The following KICS2 variants were observed in gnomAD, a reference collection of about 807,000 sequenced individuals.
The protein encoded by KICS2 is KICSTOR subunit 2.
KICS2 carries 13 observed loss-of-function variants against 31.4 expected under a neutral mutation model. That is an observed-to-expected ratio of 0.41 (90% CI 0.27 to 0.66). The LOEUF is 0.66. Among genes scored for constraint, KICS2 ranks in the 30% least tolerant of loss-of-function variants. The pLI is 0.28. For missense variants in KICS2, 455 were observed against 545.4 expected (o/e 0.83, Z 1.65); for synonymous variants, 209 against 214.8 (o/e 0.97, Z 0.24).
chr12:64,215,143 T>TA (rs35637675), intron 2 of KICS2, among the ~76,000 whole-genome samples: 38 of 145,686 alleles, frequency 2.6e-4, no homozygotes, highest in African/African-American at 5.3e-4. Context: ...CCGTCTCTAC[T>TA]AAAAAAAAAA....
chr12:64,193,628 T>C lies in KICS2; in HGVS notation c.*214A>G. 3 of 1,384,842 alleles carry C rather than the reference T, an allele frequency of 2.2e-6. No homozygotes were observed. Among genetic ancestry groups the C allele is most frequent in the Non-Finnish European group, 2.8e-6 (3 of 1,073,498 alleles). The allele number at this position is 1,384,842 out of a possible 1,614,324, so 85.8% of individuals were successfully genotyped here. A position where few individuals can be genotyped will look rare whatever the true frequency, so the allele number is the denominator to read the frequency against. Reference sequence around the variant, plus strand: ...TACTTTGCTGTACCATGGAGACACATGGTAGCCCATGACCACTTCCTAGAT... The same window carrying C: ...TACTTTGCTGTACCATGGAGACACACGGTAGCCCATGACCACTTCCTAGAT... On this transcript the variant is annotated 3_prime_UTR_variant, in exon 3 of 3. Transcript: ENST00000398055.
In KICS2 at chr12:64,216,146, T is replaced by A. The variant is rs1657053; in HGVS notation, c.236-183A>T. On this transcript the variant is annotated intron_variant, in intron 1 of 2. Transcript: ENST00000398055. The stretch of plus-strand genomic sequence containing the variant: ...ATGATAATCATAAATACTTTATGAT[T>A]ATCATAAATACTTTATGATAATCAT... Among the ~76,000 whole-genome samples, 799 of 145,070 alleles carry A rather than the reference T, an allele frequency of 5.5e-3. 7 individuals carry two copies. The highest frequency in any genetic ancestry group is 0.019 in the African/African-American group (709 of 36,430).
intron 1 of KICS2, among the ~76,000 whole-genome samples, chr12:64,217,570 G>A (rs1014790611): frequency 5.9e-5 from 9 of 151,844 alleles, no homozygotes; most frequent in Non-Finnish European, 1.3e-4. Context: ...AGGCTGAGGC[G>A]GGAGGATCAC....
downstream of KICS2, chr12:64,186,822 A>T (rs897757299): frequency 6.6e-6 from 1 of 152,202 alleles, no homozygotes; most frequent in Non-Finnish European, 1.5e-5. Flanking sequence ...GTTAACTGCT[A>T]TATCATTACC....
At chr12:64,221,039 C>T (rs1266467044) in intron 1 of KICS2, among the ~76,000 whole-genome samples, 2 of 144,242 alleles carry the variant, frequency 1.4e-5, no homozygotes, top group South Asian at 2.1e-4. Flanking sequence ...TGAGTGTTTA[C>T]TGAAAGCTCA....
chr12:64,221,835 T>A, intron 1 of KICS2, 168 bp downstream of exon 1: 1 of 770,178 alleles, frequency 1.3e-6, no homozygotes, highest in Non-Finnish European at 2.0e-6. Context: ...TGGGCGGGGC[T>A]TGTGGAAGCC....
intron 2 of KICS2, among the ~76,000 whole-genome samples, chr12:64,205,488 T>C (rs2037527793): frequency 6.6e-6 from 1 of 152,080 alleles, no homozygotes; most frequent in Non-Finnish European, 1.5e-5. Context: ...TGTTAAATGG[T>C]TGTAATCCAA....
chr12:64,191,164 T>A lies in KICS2; in HGVS notation c.*2678A>T, dbSNP rs943174539. On this transcript the variant is annotated 3_prime_UTR_variant, in exon 3 of 3. Transcript: ENST00000398055. ...TTAGAGAATAAATCTTAGAGTAAAA[T>A]GACTTTGTTTCTTGGCTTGAACCAA... 21 of 152,246 alleles carry A rather than the reference T, an allele frequency of 1.4e-4. No individual in the cohort carries two copies. The highest frequency in any genetic ancestry group is 7.9e-4 in the Admixed American group (12 of 15,286). 9.4% of individuals were successfully genotyped at this position (152,246 alleles called of 1,614,324 possible).
intron 2 of KICS2, among the ~76,000 whole-genome samples, chr12:64,211,520 G>A (rs555929525): frequency 6.6e-6 from 1 of 152,272 alleles, no homozygotes; most frequent in Admixed American, 6.5e-5. Flanking sequence ...TTGGGAGGCT[G>A]AGGCAGGAGA....
At chr12:64,210,714 C>T (rs1012390519) in intron 2 of KICS2, among the ~76,000 whole-genome samples, 22 of 152,150 alleles carry the variant, frequency 1.4e-4, no homozygotes, top group African/African-American at 5.1e-4. Flanking sequence ...GCAGTTGAAG[C>T]TGCAGTGAGC....
In KICS2 at chr12:64,192,743, C is replaced by T. The variant is rs1464252763; in HGVS notation, c.*1099G>A. On this transcript the variant is annotated 3_prime_UTR_variant, in exon 3 of 3. Transcript: ENST00000398055. ...TCCACCTACTTCCCATGAACACCTG[C>T]CGAAGGAAAGAAATAAGGCAGCATG... 1.0e-6 allele frequency: 1 copy of T among 985,378 alleles called. No individual in the cohort carries two copies. The highest frequency in any genetic ancestry group is 1.2e-6 in the Non-Finnish European group (1 of 829,940). The allele number at this position is 985,378 out of a possible 1,614,324, so 61.0% of individuals were successfully genotyped here.
chr12:64,221,422 TG>T (rs1418760831), intron 1 of KICS2: 1 of 152,526 alleles, frequency 6.6e-6, no homozygotes, highest in Non-Finnish European at 1.5e-5. Flanking sequence ...AGAGGCAAGA[TG>T]TACATGAAGT....
chr12:64,216,452 T>C (rs895204076), intron 1 of KICS2, among the ~76,000 whole-genome samples: 3 of 152,236 alleles, frequency 2.0e-5, no homozygotes, highest in African/African-American at 7.2e-5. Context: ...TGATTTTTTG[T>C]TTCTGCTTTA....
At position 64,222,150 on chromosome 12, in the gene KICS2, A is replaced by G. The variant is rs200715336; in HGVS notation, c.88T>C (p.Tyr30His). 1.2e-6 allele frequency: 2 copies of G among 1,614,014 alleles called. No individual in the cohort carries two copies. The highest frequency in any genetic ancestry group is 1.7e-6 in the Non-Finnish European group (2 of 1,179,938). Reference protein sequence around the residue: ...TFFSHLGIFSYDKAKDNVEKE... With the variant: ...TFFSHLGIFSHDKAKDNVEKE... The stretch of plus-strand genomic sequence containing the variant: ...TCCACATTGTCCTTAGCCTTGTCGT[A>G]AGAGAAGATACCCAGGTGAGAGAAG... The change falls in exon 1 of 3, where the codon TAC (tyrosine) becomes CAC (histidine). Residue 30 changes from tyrosine (Y) to histidine (H), a missense_variant. Tyr to His is a moderately conservative substitution (Grantham distance 83). Coordinates refer to ENST00000398055, the MANE Select transcript of KICS2 (RefSeq NM_152440.5).
chr12:64,221,928 C>T (rs2037687479), intron 1 of KICS2, 75 bp downstream of exon 1: 2 of 1,469,592 alleles, frequency 1.4e-6, no homozygotes, highest in East Asian at 4.9e-5. Context: ...GACGGGAAAC[C>T]CAAGCCACTG....
downstream of KICS2, among the ~76,000 whole-genome samples, chr12:64,190,883 G>C (rs2037373200): frequency 6.6e-6 from 1 of 152,158 alleles, no homozygotes; most frequent in Admixed American, 6.6e-5. Flanking sequence ...CACACTCCCT[G>C]AAATGACACA....
chr12:64,213,708 C>A (rs576548007), intron 2 of KICS2, among the ~76,000 whole-genome samples: 1 of 152,014 alleles, frequency 6.6e-6, no homozygotes, highest in African/African-American at 2.4e-5. Flanking sequence ...AACTCTAGAC[C>A]CCCATTTCCA....
At chr12:64,190,272 T>G (rs1371190340), downstream of KICS2, among the ~76,000 whole-genome samples, 1 of 152,242 alleles carries the variant, frequency 6.6e-6, no homozygotes, top group Non-Finnish European at 1.5e-5. Flanking sequence ...GTTACACACA[T>G]GATCTCATTC....
intron 2 of KICS2, among the ~76,000 whole-genome samples, chr12:64,213,621 C>T (rs1418499688): frequency 1.3e-5 from 2 of 152,128 alleles, no homozygotes. Flanking sequence ...TATTAAAGAA[C>T]AATGACATTT....
Sources: gnomAD v4.1 joint callset for allele counts (sites outside exome capture counted in the v4.1 genomes callset) on GRCh38, gnomAD v4.1.1 for gene constraint, MANE v1.5 for transcripts, NCBI Gene and HGNC (gene_info 2026-07-23, HGNC 2026-07-21) for gene names.